Variants in CDH23 observed in about 807,000 individuals in gnomAD.
CDH23 encodes cadherin related 23, also known as cadherin-23.
A neutral mutation model predicts 317.1 loss-of-function variants in CDH23; 189 were observed. That is an observed-to-expected ratio of 0.60 (90% confidence interval 0.53 to 0.67). CDH23 has a LOEUF of 0.67. Among genes scored for constraint, CDH23 ranks in the 30% least tolerant of loss-of-function variants. CDH23 has a pLI of 0.00. For synonymous variants in CDH23, 1,839 were observed against 1,876.8 expected (o/e 0.98, Z 0.52); for missense variants, 4,401 against 4,592.4 (o/e 0.96, Z 1.20).
At chr10:71,778,149 AC>A in intron 39 of CDH23, 39 bp from the exon 40 acceptor site, 1 of 1,611,564 alleles carries the variant, frequency 6.2e-7, no homozygotes, top group Non-Finnish European at 8.5e-7. Context: ...CAGACCTACC[AC>A]CCCTAGATCC....
intron 22 of CDH23, among the ~76,000 whole-genome samples, 189 bp from the exon 23 acceptor site, chr10:71,701,833 C>G (rs183831731): frequency 6.6e-6 from 1 of 152,284 alleles, no homozygotes; most frequent in East Asian, 1.9e-4. Flanking sequence ...CAGCCCCTCC[C>G]CTAGAGAACT....
chr10:71,810,143 G>A (rs1308772193), intron 61 of CDH23, 67 bp downstream of exon 61: 10 of 1,575,878 alleles, frequency 6.3e-6, no homozygotes, highest in Non-Finnish European at 7.8e-6. Context: ...AGGCCACAAG[G>A]AGAGACAGGG....
At chr10:71,600,238 T>C (rs1252658283) in intron 9 of CDH23, among the ~76,000 whole-genome samples, 10 of 152,026 alleles carry the variant, frequency 6.6e-5, no homozygotes, top group Admixed American at 4.6e-4. Flanking sequence ...CTGACCTCAG[T>C]TGATCCACCT....
chr10:71,577,838 G>A, intron 8 of CDH23, 76 bp from the exon 9 acceptor site: 2 of 1,278,036 alleles, frequency 1.6e-6, no homozygotes, highest in Non-Finnish European at 2.2e-6. Context: ...GAGGGAAGCT[G>A]TGGGTGCCAT....
intron 9 of CDH23, among the ~76,000 whole-genome samples, chr10:71,613,968 C>G (rs958923232): frequency 1.9e-4 from 29 of 152,244 alleles, no homozygotes; most frequent in Non-Finnish European, 1.8e-4. Context: ...TCTATACTTT[C>G]ACACTTATTT....
intron 31 of CDH23, among the ~76,000 whole-genome samples, 185 bp from the exon 32 acceptor site, chr10:71,731,802 C>T (rs1052729173): frequency 6.6e-6 from 1 of 152,210 alleles, no homozygotes; most frequent in Non-Finnish European, 1.5e-5. Flanking sequence ...CATGCTGGAC[C>T]TTGCCATCCA....
chr10:71,666,262 G>A (rs1204593565), intron 14 of CDH23, among the ~76,000 whole-genome samples: 4 of 151,924 alleles, frequency 2.6e-5, no homozygotes, highest in Non-Finnish European at 4.4e-5. Flanking sequence ...CCCAGAGCAG[G>A]CACGAGAGCC....
Position 71,651,483 on chromosome 10 carries a change from T to A in CDH23, c.1449+4866T>A, listed in dbSNP as rs1863167525. 2.0e-5 allele frequency among the ~76,000 whole-genome samples: 3 copies of A among 149,754 alleles called. No homozygotes were observed. The South Asian group carries it at 6.4e-4, about 32-fold the overall frequency. On this transcript the variant is annotated intron_variant, in intron 14 of 69. Transcript: ENST00000224721. The stretch of plus-strand genomic sequence containing the variant: ...AGGAAGTTGAGACTTCAGTGAGCCG[T>A]GATCCACTGCACTCCAGTGAGCCGT...
intron 1 of CDH23, among the ~76,000 whole-genome samples, chr10:71,413,432 G>GT (rs1848417455): frequency 6.6e-6 from 1 of 151,902 alleles, no homozygotes; most frequent in Non-Finnish European, 1.5e-5. Flanking sequence ...TTGTTCTTTT[G>GT]TTTTTTCAAG....
At chr10:71,542,649 G>A (rs929624514) in intron 6 of CDH23, among the ~76,000 whole-genome samples, 3 of 152,202 alleles carry the variant, frequency 2.0e-5, no homozygotes, top group African/African-American at 7.2e-5. Context: ...GAGAAGATAA[G>A]GCCAGCCAAG....
chr10:71,428,283 A>G (rs1054592717), intron 1 of CDH23, among the ~76,000 whole-genome samples: 1 of 147,210 alleles, frequency 6.8e-6, no homozygotes, highest in African/African-American at 2.5e-5. Flanking sequence ...AATTACAGGG[A>G]TGCATCACCA....
At chr10:71,453,293 A>G (rs1183306063) in intron 3 of CDH23, among the ~76,000 whole-genome samples, 3 of 152,248 alleles carry the variant, frequency 2.0e-5, no homozygotes, top group Non-Finnish European at 4.4e-5. Context: ...TCCAAACTCC[A>G]TCAATGCCCA....
At chr10:71,582,178 G>T (rs936307598) in intron 9 of CDH23, among the ~76,000 whole-genome samples, 2 of 152,320 alleles carry the variant, frequency 1.3e-5, no homozygotes, top group South Asian at 2.1e-4. Context: ...TTGAGCACAG[G>T]GCAGTGGTTG....
rs768084499 is a variant in CDH23 at position 71,570,861 on chromosome 10, G to A, written c.696G>A (p.Met232Ile). The A allele has an allele frequency of 6.2e-6, 10 of 1,614,002 alleles. No individual in the cohort carries two copies. The highest frequency in any genetic ancestry group is 1.7e-5 in the Admixed American group (1 of 60,024). The change falls in exon 8 of 70, where the codon ATG (methionine) becomes ATA (isoleucine). Residue 232 changes from methionine to isoleucine, a missense_variant. Around this residue, in one of 3 missense-constraint regions of CDH23, gnomAD observed 3,068 missense variants for 3,203.3 expected, o/e 0.96. Transcript: ENST00000224721. ...LAIIITDVQD[M>I]DPIFINLPYS... ...TCATCATCACAGATGTCCAGGACAT[G>A]GACCCCATCTTCATCAACCTGCCTT...
At chr10:71,744,060 G>T (rs1265556517) in intron 38 of CDH23, among the ~76,000 whole-genome samples, 1 of 152,136 alleles carries the variant, frequency 6.6e-6, no homozygotes, top group East Asian at 1.9e-4. Flanking sequence ...TGTCTCCTTG[G>T]CCAGAAGTGG....
At position 71,803,338 on chromosome 10, in the gene CDH23, T is replaced by C. The variant is rs1433166571; in HGVS notation, c.7790T>C (p.Leu2597Pro). ...CCCCCACTCTGGGGCACCACCATGC[T>C]CCTGGTGGAGGTCATCGACGTCAAT... The part of the protein sequence containing the change: ...GEPPLWGTTM[L>P]LVEVIDVNDN... The change falls in exon 55 of 70, where the codon CTC becomes CCC. Residue 2597 changes from leucine to proline, a missense_variant. Around this residue, in one of 3 missense-constraint regions of CDH23, gnomAD observed 1,144 missense variants for 1,138.2 expected, o/e 1.01. Coordinates refer to ENST00000224721, the MANE Select transcript of CDH23 (RefSeq NM_022124.6). 1 of 1,596,850 alleles carries C rather than the reference T, an allele frequency of 6.3e-7. No individual in the cohort carries two copies. The highest frequency in any genetic ancestry group is 1.3e-5 in the African/African-American group (1 of 74,290).
intron 11 of CDH23, among the ~76,000 whole-genome samples, chr10:71,629,737 G>A (rs1159048842): frequency 6.6e-6 from 1 of 152,192 alleles, no homozygotes; most frequent in Admixed American, 6.5e-5. Flanking sequence ...GCCACTTGGT[G>A]GATGATTTCA....
At chr10:71,814,614 G>A (rs1048708664) in intron 69 of CDH23, among the ~76,000 whole-genome samples, 29 of 151,768 alleles carry the variant, frequency 1.9e-4, no homozygotes, top group Admixed American at 1.1e-3. Flanking sequence ...AGCCAAAATC[G>A]CGCCACTGCG....
chr10:71,711,527 G>T (rs1865970722), intron 27 of CDH23, among the ~76,000 whole-genome samples: 1 of 152,104 alleles, frequency 6.6e-6, no homozygotes, highest in Non-Finnish European at 1.5e-5. Flanking sequence ...GCCTGGGGCT[G>T]AGTCAGTGCC....
Sources: gnomAD v4.1 joint callset for allele counts (sites outside exome capture counted in the v4.1 genomes callset) on GRCh38, gnomAD v4.1.1 for gene constraint, gnomAD v4.1.1 regional missense constraint, MANE v1.5 for transcripts, NCBI Gene and HGNC (gene_info 2026-07-23, HGNC 2026-07-21) for gene names.